ANK3: variants seen among roughly 807,000 people sequenced by gnomAD.
ANK3 encodes ankyrin-3.
Under a neutral mutation model 370.9 loss-of-function variants are expected in ANK3, and 57 were observed. The ratio of observed to expected loss-of-function variants is 0.15; its 90% confidence interval spans 0.12 to 0.19. The LOEUF is 0.19. Among genes scored for constraint, ANK3 ranks in the 10% least tolerant of loss-of-function variants. ANK3 has a pLI of 1.00. For missense variants in ANK3, 4,439 were observed against 5,302.1 expected, an observed-to-expected ratio of 0.84 and a Z score of 5.06; for synonymous variants, 1,929 against 1,946.3, an observed-to-expected ratio of 0.99 and a Z score of 0.23.
chr10:60,511,164 G>A (rs2076069996), intron 2 of ANK3, among the ~76,000 whole-genome samples: 1 of 152,074 alleles, frequency 6.6e-6, no homozygotes, highest in Non-Finnish European at 1.5e-5. Flanking sequence ...ATATTCATGA[G>A]CCAATTTTAT....
At chr10:60,573,083 C>A (rs1213448517) in intron 2 of ANK3, 1 of 832,346 alleles carries the variant, frequency 1.2e-6, no homozygotes, top group African/African-American at 1.8e-5. Context: ...TGCATCAGGG[C>A]ATACCGGAGG....
chr10:60,202,488 G>A (rs1015853992), intron 12 of ANK3, among the ~76,000 whole-genome samples: 6 of 152,222 alleles, frequency 3.9e-5, no homozygotes, highest in Non-Finnish European at 8.8e-5. Flanking sequence ...AACGTAGTTC[G>A]TAAGTCCTAA....
At chr10:60,433,564 G>A (rs1446437327) in intron 2 of ANK3, among the ~76,000 whole-genome samples, 8 of 152,064 alleles carry the variant, frequency 5.3e-5, no homozygotes, top group Admixed American at 1.3e-4. Flanking sequence ...CCGCACGATC[G>A]TGCCACTGCA....
At chr10:60,193,708 C>T (rs1246514075) in intron 16 of ANK3, among the ~76,000 whole-genome samples, 1 of 151,824 alleles carries the variant, frequency 6.6e-6, no homozygotes, top group Non-Finnish European at 1.5e-5. Flanking sequence ...TGCTTTATAA[C>T]TTTGGTCAAT....
chr10:60,179,767 A>T (rs1245073502), intron 18 of ANK3, among the ~76,000 whole-genome samples: 1 of 151,822 alleles, frequency 6.6e-6, no homozygotes, highest in Non-Finnish European at 1.5e-5. Flanking sequence ...TGAGACTCGT[A>T]CATCGAGGGG....
intron 1 of ANK3, among the ~76,000 whole-genome samples, chr10:60,383,991 C>T (rs552230755): frequency 1.3e-5 from 2 of 152,228 alleles, no homozygotes; most frequent in East Asian, 3.9e-4. Context: ...ACAATAAACC[C>T]AGTGGTTAAA....
intron 23 of ANK3, chr10:60,140,115 C>T: frequency 3.6e-6 from 2 of 562,780 alleles, no homozygotes; most frequent in Admixed American, 3.3e-5. Flanking sequence ...TTTACATTTT[C>T]CATTCATTTA....
rs544263096 is a variant in ANK3, at chr10:60,118,608, C to A, written c.2842-4277G>T. On this transcript the variant is annotated intron_variant, in intron 25 of 43. Transcript: ENST00000280772. ...ACTTTTGGAGACCCAAACCAACAAA[C>A]CTTCAGAGTAGGGCAAAACACTTAA... 1.9e-4 allele frequency among the ~76,000 whole-genome samples: 29 copies of A among 152,250 alleles called. No individual in the cohort carries two copies. The South Asian group carries it at 2.5e-3, about 13-fold the overall frequency.
intron 7 of ANK3, among the ~76,000 whole-genome samples, chr10:60,235,647 C>T (rs1377961438): frequency 3.4e-5 from 5 of 149,112 alleles, no homozygotes; most frequent in Admixed American, 1.4e-4. Flanking sequence ...ACGATCCTCT[C>T]GCCTCAGCCT....
intron 16 of ANK3, among the ~76,000 whole-genome samples, chr10:60,188,680 C>T (rs2096404639): frequency 6.6e-6 from 1 of 152,186 alleles, no homozygotes; most frequent in Admixed American, 6.5e-5. Context: ...CTTATATCAA[C>T]CCATGAAAGT....
At chr10:60,699,299 G>T (rs1041502401) in intron 1 of ANK3, among the ~76,000 whole-genome samples, 1 of 151,930 alleles carries the variant, frequency 6.6e-6, no homozygotes, top group Non-Finnish European at 1.5e-5. Context: ...TTAAAAAAAA[G>T]ATTATAATAA....
chr10:60,701,047 C>T (rs1347554515), intron 1 of ANK3, among the ~76,000 whole-genome samples: 1 of 151,482 alleles, frequency 6.6e-6, no homozygotes, highest in East Asian at 1.9e-4. Context: ...ATTTGTTATA[C>T]ATAAATAATT....
chr10:60,675,637 T>G (rs1363467041), intron 1 of ANK3, among the ~76,000 whole-genome samples: 1 of 152,256 alleles, frequency 6.6e-6, no homozygotes, highest in Non-Finnish European at 1.5e-5. Flanking sequence ...TAACATATAC[T>G]AAATTTGAGT....
chr10:60,593,914 C>A (rs1432850174), intron 2 of ANK3, among the ~76,000 whole-genome samples: 1 of 152,128 alleles, frequency 6.6e-6, no homozygotes. Context: ...CACATACTTA[C>A]ACATTAAAAA....
At chr10:60,123,651 A>G (rs2093615087) in intron 25 of ANK3, among the ~76,000 whole-genome samples, 1 of 152,208 alleles carries the variant, frequency 6.6e-6, no homozygotes, top group African/African-American at 2.4e-5. Flanking sequence ...TCTACCATCT[A>G]TGGGTGAAGG....
chr10:60,570,891 C>T (rs1317649579), intron 2 of ANK3, among the ~76,000 whole-genome samples: 2 of 152,016 alleles, frequency 1.3e-5, no homozygotes, highest in African/African-American at 4.8e-5. Flanking sequence ...CATAAAAGCT[C>T]GATGATTTAC....
intron 16 of ANK3, among the ~76,000 whole-genome samples, chr10:60,194,692 T>C (rs1037137044): frequency 6.6e-6 from 1 of 152,214 alleles, no homozygotes; most frequent in Non-Finnish European, 1.5e-5. Context: ...TTGGCTGTCA[T>C]GAATAATGCT....
chr10:60,174,306 G>T (rs2095868336), intron 18 of ANK3, among the ~76,000 whole-genome samples: 1 of 152,186 alleles, frequency 6.6e-6, no homozygotes, highest in South Asian at 2.1e-4. Context: ...TGACCAGACT[G>T]TCCCTGGAAA....
chr10:60,473,337 C>A (rs2065261816), intron 2 of ANK3, among the ~76,000 whole-genome samples: 1 of 152,142 alleles, frequency 6.6e-6, no homozygotes, highest in Non-Finnish European at 1.5e-5. Context: ...CAAGAACTTA[C>A]ATTTATTCAT....
Sources: allele counts gnomAD v4.1 joint callset (sites outside exome capture counted in the v4.1 genomes callset), GRCh38; gene constraint gnomAD v4.1.1; transcripts MANE v1.5; gene names NCBI Gene and HGNC (gene_info 2026-07-23, HGNC 2026-07-21).